The following SCAPER variants were observed in gnomAD, a reference collection of about 807,000 sequenced individuals.
SCAPER encodes S-phase cyclin A associated protein in the ER, also known as S phase cyclin A-associated protein in the endoplasmic reticulum.
A neutral mutation model predicts 182.2 loss-of-function variants in SCAPER; 98 were observed. The ratio of observed to expected loss-of-function variants is 0.54; its 90% CI spans 0.46 to 0.64. The LOEUF is 0.64. Ranked by LOEUF, SCAPER falls within the 30% of genes least tolerant of loss-of-function variation. The probability of loss-of-function intolerance (pLI) is 0.00; values close to 1 mark genes in which losing one functional copy is unlikely to be tolerated. For synonymous variants in SCAPER, 605 were observed against 564.6 expected (o/e 1.07, Z -1.01); for missense variants, 1,432 against 1,690.0 (o/e 0.85, Z 2.68).
intron 2 of SCAPER, among the ~76,000 whole-genome samples, chr15:76,881,336 G>A (rs930196544): frequency 6.6e-6 from 1 of 152,138 alleles, no homozygotes; most frequent in Non-Finnish European, 1.5e-5. Context: ...CCTCAAGTGA[G>A]CCAACTGGCT....
At chr15:76,550,368 C>T (rs966159479) in intron 23 of SCAPER, among the ~76,000 whole-genome samples, 30 of 152,144 alleles carry the variant, frequency 2.0e-4, no homozygotes, top group African/African-American at 7.0e-4. Flanking sequence ...TGACAGGCTC[C>T]ACTGCATACT....
At chr15:76,613,850 T>C (rs2051214118) in intron 22 of SCAPER, among the ~76,000 whole-genome samples, 1 of 152,168 alleles carries the variant, frequency 6.6e-6, no homozygotes, top group African/African-American at 2.4e-5. Context: ...GACAGTGTGG[T>C]GATTCCTCAA....
chr15:76,521,114 C>A (rs1231752568), intron 23 of SCAPER, among the ~76,000 whole-genome samples: 2 of 152,044 alleles, frequency 1.3e-5, no homozygotes, highest in African/African-American at 4.8e-5. Flanking sequence ...GTACAGAATT[C>A]AGGAATTTTA....
At chr15:76,643,093 C>T (rs1466102682) in intron 21 of SCAPER, among the ~76,000 whole-genome samples, 1 of 152,132 alleles carries the variant, frequency 6.6e-6, no homozygotes, top group Non-Finnish European at 1.5e-5. Flanking sequence ...TCTATCTGTG[C>T]CCCCTAGCTG....
chr15:76,857,036 A>G (rs1285633050), intron 4 of SCAPER, among the ~76,000 whole-genome samples: 1 of 152,190 alleles, frequency 6.6e-6, no homozygotes, highest in Non-Finnish European at 1.5e-5. Flanking sequence ...TATCTTTACC[A>G]TCCTACAACC....
chr15:76,568,596 A>AAT (rs2047212489), intron 23 of SCAPER, among the ~76,000 whole-genome samples: 1 of 152,012 alleles, frequency 6.6e-6, no homozygotes, highest in African/African-American at 2.4e-5. Flanking sequence ...TCATCAAGTG[A>AAT]TCCACCCACC....
intron 26 of SCAPER, among the ~76,000 whole-genome samples, chr15:76,432,352 A>C (rs1237201208): frequency 6.6e-6 from 1 of 152,240 alleles, no homozygotes; most frequent in Non-Finnish European, 1.5e-5. Flanking sequence ...TTGAGGAAAG[A>C]GGACAGGCAG....
intron 26 of SCAPER, among the ~76,000 whole-genome samples, chr15:76,417,478 T>C (rs2045731759): frequency 6.6e-6 from 1 of 152,184 alleles, no homozygotes; most frequent in Non-Finnish European, 1.5e-5. Context: ...AATATTGGTT[T>C]GGTAAAAGAC....
intron 18 of SCAPER, 64 bp from the exon 19 acceptor site, chr15:76,703,066 AAAT>A (rs1162035300): frequency 1.4e-5 from 20 of 1,477,534 alleles, no homozygotes; most frequent in Non-Finnish European, 1.6e-5. Context: ...GAAATTGGAA[AAAT>A]AATATTTCCA....
chr15:76,485,497 T>G (rs2051542416), intron 24 of SCAPER, among the ~76,000 whole-genome samples: 1 of 152,162 alleles, frequency 6.6e-6, no homozygotes, highest in African/African-American at 2.4e-5. Context: ...TCCCATTAAA[T>G]TACCATTGGC....
chr15:76,848,326 T>C (rs967425406), intron 4 of SCAPER, among the ~76,000 whole-genome samples: 1 of 82,998 alleles, frequency 1.2e-5, no homozygotes, highest in Admixed American at 1.0e-4. Context: ...TTTTGGGGTT[T>C]TTTTTTTTTT....
At chr15:76,546,466 A>C (rs1287098994) in intron 23 of SCAPER, among the ~76,000 whole-genome samples, 1 of 152,152 alleles carries the variant, frequency 6.6e-6, no homozygotes, top group African/African-American at 2.4e-5. Flanking sequence ...CTGTGATTAC[A>C]TGCATTAGCC....
At chr15:76,821,702 A>G (rs1464997736) in intron 5 of SCAPER, among the ~76,000 whole-genome samples, 1 of 152,098 alleles carries the variant, frequency 6.6e-6, no homozygotes, top group East Asian at 1.9e-4. Context: ...AGGCTGAGGT[A>G]GCAGGACTGC....
chr15:76,738,267 G>A (rs564116607), intron 15 of SCAPER, among the ~76,000 whole-genome samples: 3 of 152,172 alleles, frequency 2.0e-5, no homozygotes, highest in South Asian at 2.1e-4. Flanking sequence ...TGGATGGGAC[G>A]ATAAGCATGT....
intron 26 of SCAPER, among the ~76,000 whole-genome samples, chr15:76,406,611 T>A (rs942742312): frequency 1.4e-4 from 12 of 86,396 alleles, no homozygotes; most frequent in Admixed American, 4.4e-4. Context: ...AGTGAGACCC[T>A]GTCTACACAC....
intron 23 of SCAPER, among the ~76,000 whole-genome samples, chr15:76,530,471 G>A (rs2043560593): frequency 6.6e-6 from 1 of 152,054 alleles, no homozygotes; most frequent in African/African-American, 2.4e-5. Context: ...ATCTAAATGT[G>A]GTCTGAGAAC....
rs564291600 is a variant in SCAPER, at chr15:76,639,311, A to G, written c.2646-17482T>C. Among the ~76,000 whole-genome samples the G allele has an allele frequency of 2.6e-5, 4 of 152,326 alleles. No individual in the cohort carries two copies. The South Asian group carries it at 8.3e-4, about 32-fold the overall frequency. ...GCTCTCAGGGTCACAGAGATTGTCA[A>G]CATTTTCTCTACGATATTACTTATC... On this transcript the variant is annotated intron_variant, in intron 21 of 31. Transcript: ENST00000563290.
rs190824696 is a variant in SCAPER, at chr15:76,877,393, T to C, written c.6+6419A>G. 3.2e-3 allele frequency among the ~76,000 whole-genome samples: 485 copies of C among 152,288 alleles called. 5 individuals are homozygous for C. Among genetic ancestry groups the C allele is most frequent in the African/African-American group, 0.011 (463 of 41,556 alleles). On this transcript the variant is annotated intron_variant, in intron 2 of 31. Coordinates refer to ENST00000563290, the MANE Select transcript of SCAPER (RefSeq NM_020843.4). ...GATCTTTAACTAATAAGGAAATCAT[T>C]AATGGATTCTAAACCTAGTAAGTGA... is the stretch of plus-strand genomic sequence containing the variant.
intron 23 of SCAPER, among the ~76,000 whole-genome samples, chr15:76,508,107 A>G (rs2041746817): frequency 6.6e-6 from 1 of 152,132 alleles, no homozygotes; most frequent in South Asian, 2.1e-4. Flanking sequence ...CAAAATGTAA[A>G]GGTTATCCTG....
Sources: allele counts gnomAD v4.1 joint callset (sites outside exome capture counted in the v4.1 genomes callset), GRCh38; gene constraint gnomAD v4.1.1; transcripts MANE v1.5; gene names NCBI Gene and HGNC (gene_info 2026-07-23, HGNC 2026-07-21).